Variants in PLCE1 observed in about 807,000 individuals in gnomAD.
The protein encoded by PLCE1 is phospholipase C epsilon 1, also known as 1-phosphatidylinositol 4,5-bisphosphate phosphodiesterase epsilon-1.
PLCE1 carries 119 observed loss-of-function variants against 242.8 expected under a neutral mutation model. That is an observed-to-expected ratio of 0.49 (90% CI 0.42 to 0.57). PLCE1 has a LOEUF of 0.57. Among genes scored for constraint, PLCE1 ranks in the 20% least tolerant of loss-of-function variants. The pLI, the probability that PLCE1 is intolerant of heterozygous loss-of-function variation, is 0.00. For synonymous variants in PLCE1, 945 were observed against 1,017.4 expected (o/e 0.93, Z 1.35); for missense variants, 2,441 against 2,788.8 (o/e 0.88, Z 2.81).
intron 1 of PLCE1, among the ~76,000 whole-genome samples, chr10:94,029,952 T>C (rs938691500): frequency 3.3e-5 from 5 of 152,172 alleles, no homozygotes; most frequent in Non-Finnish European, 7.4e-5. Context: ...TGGATAGAAA[T>C]TTTTTTGATT....
chr10:94,316,552 G>A lies in PLCE1; in HGVS notation c.6138G>A (p.Leu2046=). ...TKAKQLLQQI[L]TNEQDIKPVT... ...TGCCTTCACTTTTTCTTTAGATTCT[G>A]ACAAATGAACAAGACATCAAACCTG... is the stretch of plus-strand genomic sequence containing the variant. Residue 2046 remains leucine (L), a synonymous_variant, in exon 29 of 33, where the codon CTG becomes CTA. Coordinates refer to ENST00000371380, the MANE Select transcript of PLCE1 (RefSeq NM_016341.4). The A allele has an allele frequency of 3.1e-6, 5 of 1,604,222 alleles. No homozygotes were observed. The highest frequency in any genetic ancestry group is 4.3e-6 in the Non-Finnish European group (5 of 1,173,038).
At chr10:94,062,590 T>TTG (rs2044086771) in intron 2 of PLCE1, among the ~76,000 whole-genome samples, 2 of 109,866 alleles carry the variant, frequency 1.8e-5, no homozygotes, top group African/African-American at 1.4e-4. Flanking sequence ...TTGTTTTTTT[T>TTG]TTTGTTTTGT....
rs567162238 is a variant in PLCE1, at chr10:94,263,606, C to T, written c.4053+874C>T. ...ACCTGGGAGGCTGAGACACGAGAAT[C>T]GCTTGAGCCCAGGAGTCACAGAGGT... On this transcript the variant is annotated intron_variant, in intron 14 of 32. Coordinates refer to ENST00000371380, the MANE Select transcript of PLCE1 (RefSeq NM_016341.4). 3.3e-5 allele frequency among the ~76,000 whole-genome samples: 5 copies of T among 151,814 alleles called. No individual in the cohort carries two copies. The South Asian group carries it at 8.4e-4, about 25-fold the overall frequency.
intron 14 of PLCE1, 62 bp from the exon 15 acceptor site, chr10:94,265,585 G>T (rs1056447300): frequency 7.4e-7 from 1 of 1,358,812 alleles, no homozygotes; most frequent in Non-Finnish European, 1.1e-6. Context: ...TGATGTGGTG[G>T]TTTCTTTCCC....
chr10:94,307,910 T>A (rs1025395169), intron 26 of PLCE1, among the ~76,000 whole-genome samples: 1 of 151,686 alleles, frequency 6.6e-6, no homozygotes, highest in Admixed American at 6.6e-5. Flanking sequence ...ACAAAAACAA[T>A]TTTTTTTTAA....
rs1033729977 is a variant in PLCE1, at chr10:94,111,885, G to T, written c.1207-20289G>T. Among the ~76,000 whole-genome samples the T allele has an allele frequency of 3.9e-5, 6 of 152,168 alleles. No homozygotes were observed. The East Asian group carries it at 1.2e-3, about 29-fold the overall frequency. On this transcript the variant is annotated intron_variant, in intron 2 of 32. Coordinates refer to ENST00000371380, the MANE Select transcript of PLCE1 (RefSeq NM_016341.4). ...GTAGTGCCGCCGAAGGTTTATAAAG[G>T]TTTATGGCTGTCGCAGTTTTGCTTT...
At chr10:94,172,332 T>A (rs2048010077) in intron 4 of PLCE1, among the ~76,000 whole-genome samples, 1 of 152,224 alleles carries the variant, frequency 6.6e-6, no homozygotes, top group Admixed American at 6.5e-5. Flanking sequence ...CTACATTTTA[T>A]GTTTTAGATT....
chr10:94,166,716 A>G (rs1030529468), intron 3 of PLCE1, among the ~76,000 whole-genome samples: 53 of 152,136 alleles, frequency 3.5e-4, no homozygotes, highest in African/African-American at 1.2e-3. Flanking sequence ...CTGTCTCTCA[A>G]TAGCAGCTTG....
chr10:94,135,130 T>C (rs2046728199), intron 3 of PLCE1, among the ~76,000 whole-genome samples: 2 of 152,226 alleles, frequency 1.3e-5, no homozygotes, highest in African/African-American at 4.8e-5. Flanking sequence ...GATGGGTTTC[T>C]CACCACCAAA....
intron 2 of PLCE1, among the ~76,000 whole-genome samples, chr10:94,052,167 G>T (rs911747019): frequency 6.6e-6 from 1 of 152,176 alleles, no homozygotes; most frequent in Non-Finnish European, 1.5e-5. Context: ...AAACCTAGAG[G>T]CTTGTAACCA....
At chr10:94,215,399 G>C (rs1045635929) in intron 4 of PLCE1, among the ~76,000 whole-genome samples, 1 of 152,200 alleles carries the variant, frequency 6.6e-6, no homozygotes, top group Admixed American at 6.5e-5. Flanking sequence ...CATCCAAGGA[G>C]CTCCATCTGC....
chr10:94,117,685 T>C (rs760567636), intron 2 of PLCE1, among the ~76,000 whole-genome samples: 1 of 152,082 alleles, frequency 6.6e-6, no homozygotes, highest in Non-Finnish European at 1.5e-5. Flanking sequence ...TTGATCCCAG[T>C]GGGTTGGTTA....
chr10:94,150,181 C>T (rs1210462950), intron 3 of PLCE1, among the ~76,000 whole-genome samples: 2 of 152,176 alleles, frequency 1.3e-5, no homozygotes, highest in East Asian at 1.9e-4. Context: ...ACGGCCCCGC[C>T]GCTGTGCTGA....
At chr10:94,299,483 T>C (rs973953755) in intron 24 of PLCE1, among the ~76,000 whole-genome samples, 8 of 152,218 alleles carry the variant, frequency 5.3e-5, no homozygotes, top group African/African-American at 1.9e-4. Context: ...GCATTATGTT[T>C]CCACTTGGTT....
At chr10:93,996,786 C>T (rs960882782) in intron 1 of PLCE1, among the ~76,000 whole-genome samples, 3 of 152,316 alleles carry the variant, frequency 2.0e-5, no homozygotes, top group East Asian at 3.9e-4. Flanking sequence ...TGGCTATTTA[C>T]ATTTGAATTG....
intron 3 of PLCE1, 147 bp from the exon 4 acceptor site, chr10:94,171,033 T>C: frequency 1.4e-6 from 1 of 709,448 alleles, no homozygotes; most frequent in South Asian, 1.7e-5. Context: ...AGAAAGGTCT[T>C]TGTAAAAAGA....
At chr10:94,066,134 G>C (rs748048545) in intron 2 of PLCE1, among the ~76,000 whole-genome samples, 1 of 152,074 alleles carries the variant, frequency 6.6e-6, no homozygotes, top group African/African-American at 2.4e-5. Flanking sequence ...ACTTTGGGGA[G>C]GTCATTTTGC....
chr10:94,156,408 T>A (rs1215228062), intron 3 of PLCE1, among the ~76,000 whole-genome samples: 1 of 152,180 alleles, frequency 6.6e-6, no homozygotes, highest in African/African-American at 2.4e-5. Flanking sequence ...TGAGGTTCGA[T>A]CATTTGCACT....
chr10:93,995,450 T>C (rs1198259551), intron 1 of PLCE1, among the ~76,000 whole-genome samples: 1 of 152,224 alleles, frequency 6.6e-6, no homozygotes, highest in Non-Finnish European at 1.5e-5. Context: ...GGGCCCTTTC[T>C]GCTCTCTACC....
Sources: allele counts gnomAD v4.1 joint callset (sites outside exome capture counted in the v4.1 genomes callset), GRCh38; gene constraint gnomAD v4.1.1; transcripts MANE v1.5; gene names NCBI Gene and HGNC (gene_info 2026-07-23, HGNC 2026-07-21).